ASTN2: variants seen among roughly 807,000 people sequenced by gnomAD.
The protein encoded by ASTN2 is astrotactin-2.
Under a neutral mutation model 139.8 loss-of-function variants are expected in ASTN2, and 54 were observed. The ratio of observed to expected loss-of-function variants is 0.39; its 90% confidence interval spans 0.31 to 0.48. The LOEUF is 0.48. Ranked by LOEUF, ASTN2 falls within the 20% of genes least tolerant of loss-of-function variation. The pLI, the probability that ASTN2 is intolerant of heterozygous loss-of-function variation, is 0.95. For synonymous variants in ASTN2, 756 were observed against 719.5 expected (o/e 1.05, Z -0.81); for missense variants, 1,565 against 1,725.1 (o/e 0.91, Z 1.64).
At chr9:117,178,784 G>T (rs987043651) in intron 3 of ASTN2, among the ~76,000 whole-genome samples, 2 of 152,160 alleles carry the variant, frequency 1.3e-5, no homozygotes, top group African/African-American at 4.8e-5. Flanking sequence ...CAGGGGAGAA[G>T]GCTGGGCCCA....
chr9:116,867,536 C>G (rs1476073786), intron 10 of ASTN2, among the ~76,000 whole-genome samples: 1 of 114,370 alleles, frequency 8.7e-6, no homozygotes, highest in Admixed American at 1.2e-4. Context: ...GGCGACAGAG[C>G]GAGACTCTGT....
chr9:116,676,489 C>A (rs946645223), intron 16 of ASTN2, among the ~76,000 whole-genome samples: 1 of 152,204 alleles, frequency 6.6e-6, no homozygotes, highest in African/African-American at 2.4e-5. Flanking sequence ...CTACAGGTCC[C>A]TGAAACCAAC....
intron 19 of ASTN2, among the ~76,000 whole-genome samples, chr9:116,530,219 G>T (rs1031920953): frequency 6.9e-6 from 1 of 145,494 alleles, no homozygotes; most frequent in East Asian, 2.1e-4. Flanking sequence ...GGACCTAGAG[G>T]ACATTATGTT....
In ASTN2 at chr9:116,429,290, G is replaced by C. The variant is rs561027263; in HGVS notation, c.3783-3202C>G. Among the ~76,000 whole-genome samples the C allele has an allele frequency of 2.2e-5, 3 of 138,780 alleles. No homozygotes were observed. The East Asian group carries it at 6.5e-4, about 30-fold the overall frequency. The allele number at this position is 138,780 out of a possible 152,430, so 91.0% of individuals were successfully genotyped here. A position where few individuals can be genotyped will look rare whatever the true frequency, so the allele number is the denominator to read the frequency against. ...GGAGGTGGAGGTTGCAGTGAGCCAA[G>C]ATCGTGCCATTGCACTCCAGCCTGG... is the stretch of plus-strand genomic sequence containing the variant. On this transcript the variant is annotated intron_variant, in intron 22 of 22. Transcript: ENST00000313400.
chr9:116,543,044 C>A (rs1564357434), intron 19 of ASTN2, among the ~76,000 whole-genome samples: 1 of 151,924 alleles, frequency 6.6e-6, no homozygotes, highest in East Asian at 1.9e-4. Flanking sequence ...TTGGAACTCT[C>A]TTTTAAATTG....
At chr9:117,064,680 G>A (rs563118936) in intron 5 of ASTN2, among the ~76,000 whole-genome samples, 1 of 152,086 alleles carries the variant, frequency 6.6e-6, no homozygotes, top group Admixed American at 6.6e-5. Flanking sequence ...GAAGGGATGA[G>A]AAATTACATG....
intron 19 of ASTN2, among the ~76,000 whole-genome samples, chr9:116,567,265 T>C (rs1032662775): frequency 3.3e-5 from 5 of 152,196 alleles, no homozygotes; most frequent in African/African-American, 1.2e-4. Context: ...CTTGGGAAGA[T>C]ATGTGTGCAG....
chr9:117,184,228 C>T (rs925371446), intron 3 of ASTN2, among the ~76,000 whole-genome samples: 1 of 152,208 alleles, frequency 6.6e-6, no homozygotes, highest in Non-Finnish European at 1.5e-5. Flanking sequence ...CTGTAGCATA[C>T]TGCCTCCTCT....
At chr9:116,932,230 T>A (rs978864043) in intron 10 of ASTN2, among the ~76,000 whole-genome samples, 3 of 152,104 alleles carry the variant, frequency 2.0e-5, no homozygotes, top group African/African-American at 7.2e-5. Flanking sequence ...GGATGCACAA[T>A]GATGAAGTAG....
At chr9:117,390,826 G>A (rs563984465) in intron 1 of ASTN2, among the ~76,000 whole-genome samples, 6 of 152,282 alleles carry the variant, frequency 3.9e-5, no homozygotes, top group African/African-American at 1.4e-4. Context: ...TGGTGGACAT[G>A]AGTTTTCAAC....
intron 6 of ASTN2, among the ~76,000 whole-genome samples, chr9:117,031,549 C>T (rs757748490): frequency 1.3e-5 from 2 of 151,948 alleles, no homozygotes; most frequent in Admixed American, 6.6e-5. Flanking sequence ...GAACTTGAAA[C>T]CTAGCAAGAG....
chr9:116,426,638 A>G (rs1429084033), intron 22 of ASTN2, among the ~76,000 whole-genome samples: 1 of 152,154 alleles, frequency 6.6e-6, no homozygotes, highest in Non-Finnish European at 1.5e-5. Flanking sequence ...AGGCCTGACC[A>G]CCCACAGTCC....
chr9:117,216,843 C>T (rs535610311), intron 2 of ASTN2, among the ~76,000 whole-genome samples: 40 of 152,146 alleles, frequency 2.6e-4, no homozygotes, highest in Non-Finnish European at 4.0e-4. Flanking sequence ...CCTTGATAAA[C>T]ACAAGGGCTG....
chr9:117,016,726 TTA>T (rs1284415495), intron 6 of ASTN2, among the ~76,000 whole-genome samples: 3 of 140,372 alleles, frequency 2.1e-5, no homozygotes, highest in Non-Finnish European at 3.0e-5. Context: ...TATATATATG[TTA>T]TATATATAGG....
intron 19 of ASTN2, among the ~76,000 whole-genome samples, chr9:116,581,654 G>A (rs988807134): frequency 6.6e-6 from 1 of 152,148 alleles, no homozygotes; most frequent in African/African-American, 2.4e-5. Context: ...TCATCTCTAT[G>A]CAAAATGGGA....
chr9:116,980,769 C>T (rs1836489692), intron 7 of ASTN2, among the ~76,000 whole-genome samples: 1 of 152,184 alleles, frequency 6.6e-6, no homozygotes. Flanking sequence ...ATTTTGCTGG[C>T]TCAGCTAAAT....
rs147432199 is a variant in ASTN2, at chr9:116,972,664, T to A, written c.1889+2544A>T. ...CTTCCTAACATTTGTTATCATTAGT[T>A]GTTTTAAATTTAGCTGCCTTGGTAA... On this transcript the variant is annotated intron_variant, in intron 10 of 22. Coordinates refer to ENST00000313400, the MANE Select transcript of ASTN2 (RefSeq NM_001365068.1). Among the ~76,000 whole-genome samples, 115 of 152,342 alleles carry A rather than the reference T, an allele frequency of 7.5e-4. 1 individual carries two copies. Among genetic ancestry groups the A allele is most frequent in the African/African-American group, 2.6e-3 (110 of 41,582 alleles).
At chr9:117,101,381 G>C (rs73529023) in intron 4 of ASTN2, among the ~76,000 whole-genome samples, 9,245 of 152,186 alleles carry the variant, frequency 0.061, 614 homozygotes, top group East Asian at 0.19. Flanking sequence ...AGTTACACAG[G>C]GCTGCTCCCG....
At chr9:117,364,432 C>A (rs1829779013) in intron 1 of ASTN2, among the ~76,000 whole-genome samples, 2 of 152,128 alleles carry the variant, frequency 1.3e-5, no homozygotes. Context: ...TTTCTGTGAG[C>A]AAAGAAAAAT....
Sources: gnomAD v4.1 joint callset for allele counts (sites outside exome capture counted in the v4.1 genomes callset) on GRCh38, gnomAD v4.1.1 for gene constraint, MANE v1.5 for transcripts, NCBI Gene and HGNC (gene_info 2026-07-23, HGNC 2026-07-21) for gene names.